PDE10A: variants seen among roughly 807,000 people sequenced by gnomAD.
The protein encoded by PDE10A is phosphodiesterase 10A, also known as cAMP and cAMP-inhibited cGMP 3',5'-cyclic phosphodiesterase 10A.
In PDE10A, 39 loss-of-function variants were observed where a neutral mutation model predicts 97.7. The observed-to-expected ratio is 0.40, with a 90% confidence interval of 0.31 to 0.52. PDE10A has a LOEUF of 0.52. Among genes scored for constraint, PDE10A ranks in the 20% least tolerant of loss-of-function variants. The pLI is 0.56. For synonymous variants in PDE10A, 371 were observed against 376.8 expected, an observed-to-expected ratio of 0.98 and a Z score of 0.18; for missense variants, 731 against 1,047.8, an observed-to-expected ratio of 0.70 and a Z score of 4.17.
intron 1 of PDE10A, among the ~76,000 whole-genome samples, chr6:165,902,818 G>A (rs780290653): frequency 1.3e-5 from 2 of 152,200 alleles, no homozygotes; most frequent in Non-Finnish European, 2.9e-5. Context: ...TCTGGACACA[G>A]GTAACAGTGA....
rs149634217 is a variant in PDE10A, at chr6:165,585,773, A to C, written c.866-42205T>G. ...TTGTTAGAGCAGCCACAGGAAACTA[A>C]TATAGGTGCTTAACAATAAAACATA... On this transcript the variant is annotated intron_variant, in intron 1 of 21. Coordinates refer to ENST00000539869, the MANE Select transcript of PDE10A (RefSeq NM_001385079.1). Among the ~76,000 whole-genome samples, 457 of 152,324 alleles carry C rather than the reference A, an allele frequency of 3.0e-3. 9 individuals carry two copies. The highest frequency in any genetic ancestry group is 4.4e-3 in the Non-Finnish European group (297 of 68,022).
At chr6:165,431,494 T>C (rs1204521160) in intron 7 of PDE10A, 22 bp from the exon 8 acceptor site, 22 of 1,424,262 alleles carry the variant, frequency 1.5e-5, no homozygotes, top group Non-Finnish European at 2.2e-5. Flanking sequence ...AAGAAATACA[T>C]ACCTATAAGT....
chr6:165,353,878 G>A (rs951487841), intron 18 of PDE10A, among the ~76,000 whole-genome samples: 11 of 152,268 alleles, frequency 7.2e-5, no homozygotes, highest in Non-Finnish European at 1.6e-4. Context: ...GACTTTAGGT[G>A]ATAATGATGA....
intron 3 of PDE10A, among the ~76,000 whole-genome samples, chr6:165,478,791 T>C (rs1327077017): frequency 6.6e-6 from 1 of 152,212 alleles, no homozygotes; most frequent in Non-Finnish European, 1.5e-5. Flanking sequence ...TTCATTTGCA[T>C]GATAAAAGCT....
chr6:165,581,735 T>C (rs1231807261), intron 1 of PDE10A, among the ~76,000 whole-genome samples: 1 of 152,218 alleles, frequency 6.6e-6, no homozygotes, highest in East Asian at 1.9e-4. Flanking sequence ...ATTATTCTGG[T>C]GGACAAAAGT....
intron 1 of PDE10A, among the ~76,000 whole-genome samples, chr6:165,595,274 C>T (rs115436271): frequency 1.3e-3 from 202 of 152,332 alleles, no homozygotes; most frequent in African/African-American, 4.5e-3. Flanking sequence ...TAACCTGCCA[C>T]CTGCCCACCA....
At chr6:165,800,052 T>C (rs1778942015) in intron 1 of PDE10A, among the ~76,000 whole-genome samples, 1 of 152,194 alleles carries the variant, frequency 6.6e-6, no homozygotes, top group South Asian at 2.1e-4. Flanking sequence ...CATTTCAGTC[T>C]CTCCTTGTTT....
rs898032245 is a variant in PDE10A at position 165,711,427 on chromosome 6, C to T, written c.-614-167859G>A. Among the ~76,000 whole-genome samples, 9 of 152,168 alleles carry T rather than the reference C, an allele frequency of 5.9e-5. No individual in the cohort carries two copies. Among genetic ancestry groups the T allele is most frequent in the Non-Finnish European group, 7.3e-5 (5 of 68,044 alleles). On this transcript the variant is annotated intron_variant, in intron 1 of 19. Coordinates refer to the PDE10A transcript ENST00000366882. The surrounding 1 kb of genome is among the most constrained non-coding windows in gnomAD (Gnocchi z 4.5). Reference sequence around the variant, plus strand: ...TTCAGAGCCACGGAGACCAGAAATTCATGTTAGCTAGAACACCCTGCTTCT... The same window carrying T: ...TTCAGAGCCACGGAGACCAGAAATTTATGTTAGCTAGAACACCCTGCTTCT...
chr6:165,564,353 C>A (rs115456695), intron 1 of PDE10A, among the ~76,000 whole-genome samples: 1 of 152,166 alleles, frequency 6.6e-6, no homozygotes, highest in South Asian at 2.1e-4. Context: ...TAAGCCTACA[C>A]AAATGCAAGA....
At chr6:165,869,619 A>C (rs1781145059) in intron 1 of PDE10A, among the ~76,000 whole-genome samples, 6 of 152,222 alleles carry the variant, frequency 3.9e-5, no homozygotes. Context: ...ATGGAATCAC[A>C]AAAGACCATG....
intron 2 of PDE10A, among the ~76,000 whole-genome samples, chr6:165,525,570 A>C (rs183749945): frequency 8.5e-5 from 13 of 152,278 alleles, no homozygotes; most frequent in Admixed American, 3.9e-4. Context: ...CCCTTGACCA[A>C]TTCTTTGCGA....
In PDE10A at chr6:165,498,423, C is replaced by CAAAAA. The variant is rs35069498; in HGVS notation, c.995-16085_995-16081dup. Among the ~76,000 whole-genome samples the CAAAAA allele has an allele frequency of 3.4e-3, 77 of 22,882 alleles. 13 individuals are homozygous for CAAAAA. Among genetic ancestry groups the CAAAAA allele is most frequent in the Non-Finnish European group, 4.4e-3 (48 of 10,974 alleles). The allele number at this position is 22,882 out of a possible 152,430, so 15.0% of individuals were successfully genotyped here. On this transcript the variant is annotated intron_variant, in intron 2 of 21. Transcript: ENST00000539869. ...GGATGACAGAGCAAGACCCTGTCTCCAAAAAAAAAAAAAAAAAAAAAAAAA... is the reference window on the plus strand; with the variant it reads ...GGATGACAGAGCAAGACCCTGTCTCCAAAAAAAAAAAAAAAAAAAAAAAAAAAAAA...
chr6:165,465,270 G>C (rs948907339), intron 3 of PDE10A, among the ~76,000 whole-genome samples: 3 of 152,202 alleles, frequency 2.0e-5, no homozygotes, highest in African/African-American at 4.8e-5. Flanking sequence ...ACAGGTATAG[G>C]TGGAAAAGCT....
chr6:165,660,115 C>G (rs1014752828), intron 1 of PDE10A: 1 of 152,392 alleles, frequency 6.6e-6, no homozygotes, highest in Non-Finnish European at 1.5e-5. Flanking sequence ...CACAAGCCCA[C>G]CAGATAGGGG....
chr6:165,708,757 C>G (rs1791791276), intron 1 of PDE10A, among the ~76,000 whole-genome samples: 1 of 104,312 alleles, frequency 9.6e-6, no homozygotes, highest in Non-Finnish European at 2.0e-5. Flanking sequence ...CACCGCCATG[C>G]TGCCACGCTC....
intron 1 of PDE10A, among the ~76,000 whole-genome samples, chr6:165,837,671 T>G (rs1346272494): frequency 2.7e-5 from 4 of 146,626 alleles, no homozygotes; most frequent in African/African-American, 7.6e-5. Context: ...TTTTTTTTTT[T>G]TTTTTTTTTT....
At chr6:165,376,582 T>C (rs1238413578) in intron 18 of PDE10A, among the ~76,000 whole-genome samples, 3 of 152,200 alleles carry the variant, frequency 2.0e-5, no homozygotes, top group South Asian at 2.1e-4. Flanking sequence ...GAAGAGTCCA[T>C]TGATGTGACA....
chr6:165,908,323 C>T (rs1399465154), intron 1 of PDE10A, among the ~76,000 whole-genome samples: 3 of 152,156 alleles, frequency 2.0e-5, no homozygotes, highest in Non-Finnish European at 2.9e-5. Context: ...CGAGAAAGTG[C>T]CTCCCAAAGG....
At chr6:165,498,458 A>AAAAAAAAAAT (rs1780675345) in intron 2 of PDE10A, among the ~76,000 whole-genome samples, 1 of 141,472 alleles carries the variant, frequency 7.1e-6, no homozygotes, top group African/African-American at 2.6e-5. Context: ...AAAAAAAAAA[A>AAAAAAAAAAT]AAAAAAAATC....
Sources: allele counts gnomAD v4.1 joint callset (sites outside exome capture counted in the v4.1 genomes callset), GRCh38; gene constraint gnomAD v4.1.1; non-coding constraint Gnocchi (gnomAD v3.1); transcripts MANE v1.5; gene names NCBI Gene and HGNC (gene_info 2026-07-23, HGNC 2026-07-21).